The following PVT1 variants were observed in gnomAD, a reference collection of about 807,000 sequenced individuals.
The protein encoded by PVT1 is CXCR4/PVT1 fusion.
rs564567580 is a variant in PVT1 at position 127,842,766 on chromosome 8, A to G, written n.372+46695A>G. Among the ~76,000 whole-genome samples the G allele has an allele frequency of 1.8e-4, 28 of 152,252 alleles. No homozygotes were observed. The South Asian group carries it at 2.5e-3, about 14-fold the overall frequency. On this transcript the variant is annotated intron_variant and non_coding_transcript_variant, in intron 2 of 10. Coordinates refer to ENST00000651587, the Ensembl canonical transcript of PVT1. ...AAGAGACCTTTTCATCCCTGAGCCA[A>G]TTAATCAATTTCAAGAGATAGCATC... is the stretch of plus-strand genomic sequence containing the variant.
intron 5 of PVT1, among the ~76,000 whole-genome samples, chr8:128,092,419 C>T (rs1474995809): frequency 2.6e-5 from 4 of 152,068 alleles, no homozygotes; most frequent in African/African-American, 9.7e-5. Flanking sequence ...TAGGTTGGTG[C>T]AAAAGTAATT....
intron 2 of PVT1, among the ~76,000 whole-genome samples, chr8:127,827,668 C>T (rs1814806264): frequency 1.3e-5 from 2 of 152,154 alleles, no homozygotes; most frequent in African/African-American, 2.4e-5. Context: ...GCCCCATGCA[C>T]GGAGTTGGCA....
chr8:128,036,061 T>C (rs1177294394), intron 4 of PVT1, among the ~76,000 whole-genome samples: 3 of 152,186 alleles, frequency 2.0e-5, no homozygotes, highest in Non-Finnish European at 4.4e-5. Flanking sequence ...CCTTGCAGTA[T>C]TCTAAGTGTT....
chr8:127,868,305 G>C (rs1163083121), intron 2 of PVT1, among the ~76,000 whole-genome samples: 1 of 152,100 alleles, frequency 6.6e-6, no homozygotes, highest in East Asian at 1.9e-4. Flanking sequence ...CCACCACCCA[G>C]AAATGAAACA....
chr8:127,810,855 T>C (rs1318912826), intron 2 of PVT1, among the ~76,000 whole-genome samples: 2 of 152,132 alleles, frequency 1.3e-5, no homozygotes, highest in African/African-American at 4.8e-5. Flanking sequence ...CAGGAAGCAT[T>C]CCCTCATCTC....
intron 3 of PVT1, among the ~76,000 whole-genome samples, chr8:127,949,000 G>A (rs1323319280): frequency 6.6e-6 from 1 of 152,216 alleles, no homozygotes; most frequent in African/African-American, 2.4e-5. Context: ...TTTCATCGGA[G>A]GCTCACTGCG....
At chr8:127,930,092 G>A (rs537874490) in intron 3 of PVT1, among the ~76,000 whole-genome samples, 7 of 152,258 alleles carry the variant, frequency 4.6e-5, no homozygotes, top group South Asian at 2.1e-4. Flanking sequence ...TTCCCAGCAC[G>A]TTTGTGATTA....
intron 3 of PVT1, among the ~76,000 whole-genome samples, chr8:127,894,088 C>T (rs969579833): frequency 3.9e-5 from 6 of 152,178 alleles, no homozygotes; most frequent in African/African-American, 1.4e-4. Flanking sequence ...TACAGCAGTC[C>T]CAACCTGTGT....
intron 4 of PVT1, among the ~76,000 whole-genome samples, chr8:128,034,016 C>T (rs1483369415): frequency 6.6e-6 from 1 of 151,602 alleles, no homozygotes; most frequent in Non-Finnish European, 1.5e-5. Flanking sequence ...CTCCCCAGCC[C>T]TGCCGAGCTG....
At chr8:128,001,231 G>A (rs963598304) in intron 4 of PVT1, among the ~76,000 whole-genome samples, 12 of 152,150 alleles carry the variant, frequency 7.9e-5, no homozygotes, top group South Asian at 6.2e-4. Context: ...TGAGGGGCTC[G>A]CCAGCAGCAC....
At chr8:128,083,870 C>A (rs1012631692) in intron 5 of PVT1, among the ~76,000 whole-genome samples, 19 of 152,176 alleles carry the variant, frequency 1.2e-4, no homozygotes, top group African/African-American at 4.6e-4. Context: ...GGGTCCCACT[C>A]TAATTTGGGC....
chr8:128,082,004 C>T (rs765205223), intron 5 of PVT1, among the ~76,000 whole-genome samples: 1 of 152,190 alleles, frequency 6.6e-6, no homozygotes, highest in Non-Finnish European at 1.5e-5. Context: ...TACTGACTGC[C>T]ATTACCAGAT....
At chr8:127,797,371 T>G (rs1294707470) in intron 2 of PVT1, among the ~76,000 whole-genome samples, 1 of 152,160 alleles carries the variant, frequency 6.6e-6, no homozygotes, top group Non-Finnish European at 1.5e-5. Flanking sequence ...TTGTGATCTC[T>G]TTGAGGGATC....
chr8:127,826,390 C>T (rs1814789005), intron 2 of PVT1, among the ~76,000 whole-genome samples: 1 of 152,132 alleles, frequency 6.6e-6, no homozygotes, highest in African/African-American at 2.4e-5. Context: ...GTCCACCAGA[C>T]CTGATGATTC....
At chr8:127,921,011 A>T (rs917641810) in intron 3 of PVT1, among the ~76,000 whole-genome samples, 4 of 152,236 alleles carry the variant, frequency 2.6e-5, no homozygotes, top group Non-Finnish European at 1.5e-5. Context: ...TAAAATATTT[A>T]AGTGTTGGTC....
intron 2 of PVT1, among the ~76,000 whole-genome samples, chr8:127,859,055 G>T (rs540500920): frequency 6.6e-6 from 1 of 151,870 alleles, no homozygotes. Flanking sequence ...TGATTCTCCC[G>T]TCTTAGCTTC....
At chr8:128,078,506 T>C (rs1814122821) in intron 5 of PVT1, among the ~76,000 whole-genome samples, 1 of 152,198 alleles carries the variant, frequency 6.6e-6, no homozygotes, top group African/African-American at 2.4e-5. Context: ...AACTTAGTAC[T>C]AAGAACAGTG....
At chr8:128,070,826 A>G (rs147185445) in intron 5 of PVT1, among the ~76,000 whole-genome samples, 2 of 152,278 alleles carry the variant, frequency 1.3e-5, no homozygotes, top group East Asian at 1.9e-4. Flanking sequence ...TCCCCCTGCC[A>G]TGGACTTTTT....
chr8:128,003,124 C>G (rs965681417), intron 4 of PVT1, among the ~76,000 whole-genome samples: 7 of 151,018 alleles, frequency 4.6e-5, no homozygotes, highest in African/African-American at 1.7e-4. Flanking sequence ...GCCTAAGCCT[C>G]CCGAGTAGCT....
Sources: allele counts gnomAD v4.1 joint callset (sites outside exome capture counted in the v4.1 genomes callset), GRCh38; gene constraint gnomAD v4.1.1; transcripts MANE v1.5; gene names NCBI Gene and HGNC (gene_info 2026-07-23, HGNC 2026-07-21).